The following CEP63 variants were observed in gnomAD, a reference collection of about 807,000 sequenced individuals.
CEP63 encodes the protein centrosomal protein of 63 kDa.
Under a neutral mutation model 89.1 loss-of-function variants are expected in CEP63, and 84 were observed. The ratio of observed to expected loss-of-function variants is 0.94; its 90% confidence interval spans 0.79 to 1.13. The LOEUF (loss-of-function observed/expected upper bound fraction) is 1.13, where lower values mean the gene tolerates loss of function less well. Among genes scored for constraint, CEP63 ranks in the 50% most tolerant of loss-of-function variants. The pLI, the probability that CEP63 is intolerant of heterozygous loss-of-function variation, is 0.00. For synonymous variants in CEP63, 267 were observed against 272.5 expected, an observed-to-expected ratio of 0.98 and a Z score of 0.20; for missense variants, 838 against 813.3, an observed-to-expected ratio of 1.03 and a Z score of -0.37.
the CEP63 span, among the ~76,000 whole-genome samples, chr3:134,681,353 C>T: frequency 6.6e-6 from 1 of 152,126 alleles, no homozygotes; most frequent in African/African-American, 2.4e-5. Flanking sequence ...ACAGGAAGGA[C>T]AAGAGCTGCT....
the CEP63 span, among the ~76,000 whole-genome samples, chr3:134,622,692 AT>A: frequency 6.6e-6 from 1 of 152,228 alleles, no homozygotes; most frequent in Admixed American, 6.5e-5. Flanking sequence ...ATGTTATTTT[AT>A]GATAAAAAAA....
At chr3:134,721,953 T>C in the CEP63 span, among the ~76,000 whole-genome samples, 1 of 152,138 alleles carries the variant, frequency 6.6e-6, no homozygotes, top group Non-Finnish European at 1.5e-5. Context: ...GATATCTTTG[T>C]CTGGTTTTGG....
the CEP63 span, chr3:134,604,602 TTAA>T: frequency 1.3e-6 from 1 of 774,092 alleles, no homozygotes; most frequent in African/African-American, 1.7e-5. Context: ...TTCCACGGTG[TTAA>T]TACTTTCACC....
Position 134,561,931 on chromosome 3 carries a change from A to AG in CEP63, c.*400dup. 1 of 1,048,576 alleles carries AG rather than the reference A, an allele frequency of 9.5e-7. No individual in the cohort carries two copies. Among genetic ancestry groups the AG allele is most frequent in the South Asian group, 3.1e-5 (1 of 32,194 alleles). The allele number at this position is 1,048,576 out of a possible 1,614,324, so 65.0% of individuals were successfully genotyped here. ...GGGAAATGTGTAGAAGCATGGATTT[A>AG]GGGGTCAAACATACCTGGATCGATA... is the stretch of plus-strand genomic sequence containing the variant. On this transcript the variant is annotated 3_prime_UTR_variant, in exon 15 of 15. Coordinates refer to ENST00000675561, the MANE Select transcript of CEP63 (RefSeq NM_001353108.3).
At chr3:134,504,473 C>A (rs1468959691) in intron 2 of CEP63, among the ~76,000 whole-genome samples, 1 of 152,196 alleles carries the variant, frequency 6.6e-6, no homozygotes, top group African/African-American at 2.4e-5. Flanking sequence ...AGTCTGATGG[C>A]AATATCCTTA....
At chr3:134,738,040 T>C in the CEP63 span, among the ~76,000 whole-genome samples, 1 of 152,142 alleles carries the variant, frequency 6.6e-6, no homozygotes, top group Non-Finnish European at 1.5e-5. Flanking sequence ...GAAGTGTGAT[T>C]GCCTGGAGGC....
chr3:134,730,498 A>C, the CEP63 span, among the ~76,000 whole-genome samples: 1 of 152,218 alleles, frequency 6.6e-6, no homozygotes, highest in Non-Finnish European at 1.5e-5. Flanking sequence ...AAATATGTTC[A>C]TTGTAAGAAA....
the CEP63 span, among the ~76,000 whole-genome samples, chr3:134,695,366 G>C: frequency 6.6e-6 from 1 of 152,250 alleles, no homozygotes; most frequent in African/African-American, 2.4e-5. Context: ...AGCATACATT[G>C]CCTGGCTTCT....
the CEP63 span, among the ~76,000 whole-genome samples, chr3:134,596,017 G>A: frequency 7.6e-6 from 1 of 131,684 alleles, no homozygotes; most frequent in South Asian, 2.8e-4. Context: ...GGTTCTTCTG[G>A]GGCTTTAGAA....
chr3:134,629,662 T>G, the CEP63 span: 2 of 1,600,358 alleles, frequency 1.2e-6, no homozygotes, highest in Non-Finnish European at 1.7e-6. Context: ...GGGCATGGCA[T>G]CTCGAGGGTG....
At chr3:134,684,076 AG>A in the CEP63 span, among the ~76,000 whole-genome samples, 5 of 152,302 alleles carry the variant, frequency 3.3e-5, no homozygotes, top group South Asian at 1.0e-3. Flanking sequence ...GTGTACTACA[AG>A]GTTTCATGAG....
intron 10 of CEP63, among the ~76,000 whole-genome samples, chr3:134,582,143 A>G (rs1431081012): frequency 6.6e-6 from 1 of 152,092 alleles, no homozygotes; most frequent in African/African-American, 2.4e-5. Context: ...AAACTGGCAG[A>G]AATAGAAGGA....
In CEP63 at chr3:134,530,574, T is replaced by C. The variant is rs149638312; in HGVS notation, c.223-1271T>C. On this transcript the variant is annotated intron_variant, in intron 3 of 14. Coordinates refer to ENST00000675561, the MANE Select transcript of CEP63 (RefSeq NM_001353108.3). ...TTTTGTTAATTGGATTTTTTAAAAA[T>C]AGAAGTTTTACATGGTTAAATTTAT... is the stretch of plus-strand genomic sequence containing the variant. 6.3e-3 allele frequency among the ~76,000 whole-genome samples: 952 copies of C among 152,312 alleles called. 4 individuals carry two copies. Among genetic ancestry groups the C allele is most frequent in the Non-Finnish European group, 8.6e-3 (583 of 68,020 alleles).
the CEP63 span, among the ~76,000 whole-genome samples, chr3:134,724,491 G>T: frequency 6.6e-6 from 1 of 152,218 alleles, no homozygotes; most frequent in African/African-American, 2.4e-5. Context: ...AACTCTCTCA[G>T]CATCGTGACA....
the CEP63 span, among the ~76,000 whole-genome samples, chr3:134,659,828 C>A: frequency 6.2e-3 from 943 of 152,322 alleles, 6 homozygotes; most frequent in Non-Finnish European, 0.01. Flanking sequence ...TGTTGGTGTT[C>A]ATCGTCCCAA....
the CEP63 span, among the ~76,000 whole-genome samples, chr3:134,652,516 G>C: frequency 6.9e-6 from 1 of 144,890 alleles, no homozygotes; most frequent in Non-Finnish European, 1.5e-5. Flanking sequence ...TTGGCTTCCA[G>C]TAATGTTGAA....
the CEP63 span, among the ~76,000 whole-genome samples, chr3:134,773,961 T>C: frequency 6.6e-6 from 1 of 152,232 alleles, no homozygotes; most frequent in Non-Finnish European, 1.5e-5. Context: ...ACCTTGGCTG[T>C]CTTGCATGTC....
the CEP63 span, among the ~76,000 whole-genome samples, chr3:134,636,502 G>A: frequency 6.6e-6 from 1 of 152,196 alleles, no homozygotes; most frequent in Non-Finnish European, 1.5e-5. Context: ...CCATGTGAAT[G>A]AGCCAGGTTG....
the CEP63 span, among the ~76,000 whole-genome samples, chr3:134,719,272 G>A: frequency 4.5e-3 from 680 of 152,164 alleles, 1 homozygote; most frequent in African/African-American, 0.015. Context: ...CAAAGTGCTA[G>A]GATTACAGGT....
Sources: allele counts gnomAD v4.1 joint callset (sites outside exome capture counted in the v4.1 genomes callset), GRCh38; gene constraint gnomAD v4.1.1; transcripts MANE v1.5; gene names NCBI Gene and HGNC (gene_info 2026-07-23, HGNC 2026-07-21).